The following KATNAL1 variants were observed in gnomAD, a reference collection of about 807,000 sequenced individuals.
KATNAL1 encodes the protein katanin p60 ATPase-containing subunit A-like 1.
Under a neutral mutation model 55.2 loss-of-function variants are expected in KATNAL1, and 32 were observed. The observed-to-expected ratio is 0.58, with a 90% CI of 0.44 to 0.78. The LOEUF is 0.78. Among genes scored for constraint, KATNAL1 ranks in the 30% least tolerant of loss-of-function variants. The pLI is 0.00. For missense variants in KATNAL1, 466 were observed against 600.9 expected, an observed-to-expected ratio of 0.78 and a Z score of 2.35; for synonymous variants, 193 against 193.6, an observed-to-expected ratio of 1.00 and a Z score of 0.02.
chr13:30,296,293 T>C, intron 1 of KATNAL1: 1 of 1,223,408 alleles, frequency 8.2e-7, no homozygotes, highest in Non-Finnish European at 1.1e-6. Flanking sequence ...ACTTCACTTT[T>C]GTGTGCCCCA....
At chr13:30,230,399 CATTG>C (rs994013402) in intron 8 of KATNAL1, 65 bp downstream of exon 8, 37 of 1,389,752 alleles carry the variant, frequency 2.7e-5, no homozygotes, top group Non-Finnish European at 3.4e-5. Flanking sequence ...CTAATCCATC[CATTG>C]ATTATGAGTT....
Position 30,242,042 on chromosome 13 carries a change from C to G in KATNAL1, c.493-956G>C, listed in dbSNP as rs375952691. 3.3e-5 allele frequency among the ~76,000 whole-genome samples: 5 copies of G among 152,224 alleles called. No homozygotes were observed. In the East Asian group the frequency reaches 9.7e-4, roughly 29 times the overall value. ...AAGGAGTAAATTTTTGGCACCTACA[C>G]AAGAAACATAACATCAACAAACTTA... On this transcript the variant is annotated intron_variant, in intron 4 of 10. Coordinates refer to ENST00000380615, the MANE Select transcript of KATNAL1 (RefSeq NM_032116.5).
chr13:30,254,463 T>C (rs1022178329), intron 4 of KATNAL1, among the ~76,000 whole-genome samples: 5 of 152,188 alleles, frequency 3.3e-5, no homozygotes, highest in African/African-American at 9.7e-5. Context: ...CTTTGAACTA[T>C]CTCATAAATA....
intron 3 of KATNAL1, among the ~76,000 whole-genome samples, chr13:30,267,837 G>C (rs1879897542): frequency 6.6e-6 from 1 of 152,162 alleles, no homozygotes; most frequent in Non-Finnish European, 1.5e-5. Flanking sequence ...AGTGTTTTGG[G>C]CCTCAGACAT....
At chr13:30,251,033 G>A (rs1230483493) in intron 4 of KATNAL1, among the ~76,000 whole-genome samples, 2 of 151,642 alleles carry the variant, frequency 1.3e-5, no homozygotes, top group Non-Finnish European at 2.9e-5. Flanking sequence ...AGCTACTCGG[G>A]AGGCTGAGGC....
chr13:30,223,293 T>G (rs772118924), intron 9 of KATNAL1, among the ~76,000 whole-genome samples: 1 of 149,918 alleles, frequency 6.7e-6, no homozygotes, highest in Non-Finnish European at 1.5e-5. Context: ...ATACAAAAAA[T>G]TAGCCGGGAA....
chr13:30,250,567 T>C (rs1167464582), intron 4 of KATNAL1, among the ~76,000 whole-genome samples: 1 of 152,192 alleles, frequency 6.6e-6, no homozygotes, highest in Non-Finnish European at 1.5e-5. Flanking sequence ...AATCAATCAA[T>C]AGCTCTCAAA....
intron 1 of KATNAL1, among the ~76,000 whole-genome samples, chr13:30,298,316 C>T (rs1882654390): frequency 6.6e-6 from 1 of 152,190 alleles, no homozygotes; most frequent in Non-Finnish European, 1.5e-5. Context: ...TTTTGAGATT[C>T]AACTATGCCC....
intron 3 of KATNAL1, among the ~76,000 whole-genome samples, chr13:30,270,093 C>T (rs1593920271): frequency 7.2e-6 from 1 of 138,610 alleles, no homozygotes; most frequent in African/African-American, 2.5e-5. Flanking sequence ...AGCCCCCCGC[C>T]CGGCCAGCCG....
At chr13:30,239,684 G>GTTTTTTTTTTT (rs1566100241) in intron 6 of KATNAL1, among the ~76,000 whole-genome samples, 2 of 128,394 alleles carry the variant, frequency 1.6e-5, no homozygotes, top group Non-Finnish European at 1.6e-5. Context: ...ATACAGAAGT[G>GTTTTTTTTTTT]ATTTTTTTTT....
At chr13:30,237,870 A>G (rs1355071136) in intron 6 of KATNAL1, among the ~76,000 whole-genome samples, 1 of 152,188 alleles carries the variant, frequency 6.6e-6, no homozygotes. Flanking sequence ...CATAGGCAAA[A>G]GCCAATTATC....
chr13:30,248,347 T>C (rs1381540764), intron 4 of KATNAL1, among the ~76,000 whole-genome samples: 1 of 152,166 alleles, frequency 6.6e-6, no homozygotes, highest in African/African-American at 2.4e-5. Context: ...TTTGGTCAAA[T>C]AGTTATTTAG....
At chr13:30,254,452 T>C (rs1878612511) in intron 4 of KATNAL1, among the ~76,000 whole-genome samples, 1 of 152,178 alleles carries the variant, frequency 6.6e-6, no homozygotes, top group South Asian at 2.1e-4. Context: ...GTAGAATATG[T>C]CTTTGAACTA....
At chr13:30,257,298 AC>A (rs1878877334) in intron 3 of KATNAL1, among the ~76,000 whole-genome samples, 2 of 152,186 alleles carry the variant, frequency 1.3e-5, no homozygotes, top group Admixed American at 1.3e-4. Flanking sequence ...ATGGCCAAAG[AC>A]AATAAAATGA....
chr13:30,304,887 A>G (rs1883085276), intron 1 of KATNAL1, among the ~76,000 whole-genome samples: 1 of 152,228 alleles, frequency 6.6e-6, no homozygotes, highest in South Asian at 2.1e-4. Flanking sequence ...TGAGGAATCA[A>G]TCAGCTAAGA....
intron 4 of KATNAL1, among the ~76,000 whole-genome samples, chr13:30,245,679 T>A (rs1205473767): frequency 6.6e-6 from 1 of 152,172 alleles, no homozygotes; most frequent in Non-Finnish European, 1.5e-5. Context: ...CAAAATCTCC[T>A]TAAGCTGATA....
chr13:30,218,227 T>TATATATATATATAA (rs1555258842), intron 9 of KATNAL1, among the ~76,000 whole-genome samples: 110 of 145,302 alleles, frequency 7.6e-4, no homozygotes, highest in East Asian at 5.3e-3. Flanking sequence ...TATATATATA[T>TATATATATATATAA]AAAGGACCTG....
At chr13:30,212,656 T>A (rs1469382002) in intron 9 of KATNAL1, among the ~76,000 whole-genome samples, 3 of 152,244 alleles carry the variant, frequency 2.0e-5, no homozygotes, top group African/African-American at 4.8e-5. Flanking sequence ...ACTCCTAGGA[T>A]GGAATGCTCC....
At chr13:30,216,750 C>T (rs571543738) in intron 9 of KATNAL1, among the ~76,000 whole-genome samples, 2 of 152,294 alleles carry the variant, frequency 1.3e-5, no homozygotes, top group South Asian at 4.1e-4. Context: ...GGCTGATGTG[C>T]GCCTGATGTC....
Sources: gnomAD v4.1 joint callset for allele counts (sites outside exome capture counted in the v4.1 genomes callset) on GRCh38, gnomAD v4.1.1 for gene constraint, MANE v1.5 for transcripts, NCBI Gene and HGNC (gene_info 2026-07-23, HGNC 2026-07-21) for gene names.